DZIP1L: variants seen among roughly 807,000 people sequenced by gnomAD.
DZIP1L encodes DAZ interacting zinc finger protein 1 like, also known as cilium assembly protein DZIP1L.
Under a neutral mutation model 88.7 loss-of-function variants are expected in DZIP1L, and 90 were observed. The ratio of observed to expected loss-of-function variants is 1.02; its 90% CI spans 0.86 to 1.21. The LOEUF (loss-of-function observed/expected upper bound fraction) is 1.21. Among genes scored for constraint, DZIP1L ranks in the 50% most tolerant of loss-of-function variants. The pLI is 0.00. For missense variants in DZIP1L, 932 were observed against 955.8 expected, an observed-to-expected ratio of 0.98 and a Z score of 0.33; for synonymous variants, 363 against 372.1, an observed-to-expected ratio of 0.98 and a Z score of 0.28.
In DZIP1L at chr3:138,103,042, C is replaced by T. The variant is rs2042368520; in HGVS notation, c.501+429G>A. 7.4e-5 allele frequency: 32 copies of T among 434,590 alleles called. No individual in the cohort carries two copies. In the South Asian group the frequency reaches 7.6e-4, roughly 10 times the overall value. 26.9% of individuals were successfully genotyped at this position (434,590 alleles called of 1,614,324 possible). The stretch of plus-strand genomic sequence containing the variant: ...TTTATACATGCTCCAGAGTTGTATC[C>T]TTTATAACATAGTACAAGCACACAT... On this transcript the variant is annotated intron_variant, in intron 2 of 15. Transcript: ENST00000327532.
chr3:138,071,780 A>AG lies in DZIP1L; in HGVS notation c.1477_1478insC (p.Val493AlafsTer12). The AG allele has an allele frequency of 6.2e-7, 1 of 1,614,008 alleles. No individual in the cohort carries two copies. The highest frequency in any genetic ancestry group is 8.5e-7 in the Non-Finnish European group (1 of 1,179,990). ...CTTCCGGGCCTTCTGCTCCCGCTGG[A>AG]CTCTCAGCAGGGATTCCAGGTGTCT... On this transcript the variant is annotated frameshift_variant, in exon 12 of 16. Coordinates refer to ENST00000327532, the MANE Select transcript of DZIP1L (RefSeq NM_173543.3). LOFTEE classifies it high-confidence loss of function.
At chr3:138,085,748 C>T (rs544978391) in intron 7 of DZIP1L, among the ~76,000 whole-genome samples, 4 of 152,298 alleles carry the variant, frequency 2.6e-5, no homozygotes, top group African/African-American at 9.6e-5. Flanking sequence ...CCAGCCATCC[C>T]ATTACTGGGT....
rs376325392 is a variant in DZIP1L, at chr3:138,088,640, T to G, written c.871-133A>C. 20 of 1,352,548 alleles carry G rather than the reference T, an allele frequency of 1.5e-5. No individual in the cohort carries two copies. In the African/African-American group the frequency reaches 2.9e-4, roughly 20 times the overall value. 83.8% of individuals were successfully genotyped at this position (1,352,548 alleles called of 1,614,324 possible). ...CAACTCATCCTCACTAGATACCTAC[T>G]CACCTACAGATATTCACACAAATCA... On this transcript the variant is annotated intron_variant, in intron 5 of 15. Transcript: ENST00000327532.
At chr3:138,080,435 T>C in intron 10 of DZIP1L, 132 bp downstream of exon 10, 1 of 900,676 alleles carries the variant, frequency 1.1e-6, no homozygotes, top group Non-Finnish European at 1.7e-6. Flanking sequence ...AGAAATATTA[T>C]TTCATGTCCT....
chr3:138,115,576 G>A lies in DZIP1L; in HGVS notation c.-330C>T, dbSNP rs1399393142. ...GCCAACCTGCGGGACCGCGGACAGA[G>A]AGCTCCTCGGTGCGTCGGTCAGCTC... On this transcript the variant is annotated 5_prime_UTR_variant, in exon 1 of 16. Transcript: ENST00000327532. 6.6e-6 allele frequency: 1 copy of A among 152,220 alleles called. No individual in the cohort carries two copies. Among genetic ancestry groups the A allele is most frequent in the Non-Finnish European group, 1.5e-5 (1 of 68,080 alleles). The allele number at this position is 152,220 out of a possible 1,614,324, so 9.4% of individuals were successfully genotyped here.
intron 1 of DZIP1L, among the ~76,000 whole-genome samples, chr3:138,112,946 C>CA (rs200375996): frequency 1.7e-4 from 25 of 149,638 alleles, no homozygotes; most frequent in African/African-American, 2.5e-4. Context: ...GACTTCGTCT[C>CA]AAAAAAAAAG....
In DZIP1L at chr3:138,092,451, C is replaced by G; in HGVS notation, c.802G>C (p.Asp268His). 1 of 1,607,162 alleles carries G rather than the reference C, an allele frequency of 6.2e-7. No homozygotes were observed. Among genetic ancestry groups the G allele is most frequent in the Non-Finnish European group, 8.5e-7 (1 of 1,177,286 alleles). ...TCCCAAAATAATTTTTTTAGTTTATCTATTTCCCCATAAAGTTTGGTCCAC... is the reference window on the plus strand; with the variant it reads ...TCCCAAAATAATTTTTTTAGTTTATGTATTTCCCCATAAAGTTTGGTCCAC... ...QEWTKLYGEI[D>H]KLKKLFWDEF... Residue 268 changes from aspartate to histidine, a missense_variant, in exon 5 of 16, where the codon GAT becomes CAT. Asp to His is a moderately conservative substitution (Grantham distance 81). Transcript: ENST00000327532.
chr3:138,097,652 G>A (rs1031854513), intron 3 of DZIP1L, 111 bp downstream of exon 3: 1 of 978,938 alleles, frequency 1.0e-6, no homozygotes, highest in Admixed American at 2.2e-5. Context: ...CAATTGGACA[G>A]TGAGGTTCTG....
At chr3:138,066,371 T>C (rs187454887) in intron 14 of DZIP1L, among the ~76,000 whole-genome samples, 66 of 152,288 alleles carry the variant, frequency 4.3e-4, no homozygotes, top group African/African-American at 1.6e-3. Context: ...CAAACAGCAT[T>C]AAAGACTATG....
rs1423274848 is a variant in DZIP1L at position 138,063,399 on chromosome 3, C to T, written c.2143-422G>A. On this transcript the variant is annotated intron_variant, in intron 15 of 15. Coordinates refer to ENST00000327532, the MANE Select transcript of DZIP1L (RefSeq NM_173543.3). The surrounding 1 kb of genome is among the most constrained non-coding windows in gnomAD (Gnocchi z 4.1). Reference sequence around the variant, plus strand: ...CCGCCTCCTCTCAGACAGGTTCCCTCAGGTCTGGTAAACATCCTGACTGAA... The same window carrying T: ...CCGCCTCCTCTCAGACAGGTTCCCTTAGGTCTGGTAAACATCCTGACTGAA... Among the ~76,000 whole-genome samples the T allele has an allele frequency of 6.6e-6, 1 of 152,220 alleles. No homozygotes were observed. The highest frequency in any genetic ancestry group is 1.5e-5 in the Non-Finnish European group (1 of 68,040).
At chr3:138,079,171 A>T (rs1375885827) in intron 10 of DZIP1L, among the ~76,000 whole-genome samples, 2 of 152,186 alleles carry the variant, frequency 1.3e-5, no homozygotes, top group East Asian at 3.8e-4. Context: ...TAAAACCTCC[A>T]CTGTAACAGC....
chr3:138,073,730 G>A (rs1042101243), intron 11 of DZIP1L, among the ~76,000 whole-genome samples: 15 of 152,030 alleles, frequency 9.9e-5, no homozygotes, highest in Admixed American at 7.9e-4. Context: ...TGAATTGCCA[G>A]AAAAAGAATT....
rs75242141 is a variant in DZIP1L, at chr3:138,077,520, G to T, written c.1401C>A (p.Leu467=). Residue 467 remains leucine, a synonymous_variant, in exon 11 of 16, where the codon CTC becomes CTA. Coordinates refer to ENST00000327532, the MANE Select transcript of DZIP1L (RefSeq NM_173543.3). ...TCACCTTCCTTATCCCCATGCTTTC[G>T]AGCTTCTCTTCCAGGGTGTCCTCCA... ...PILEDTLEEK[L]ESMGIRKDAK... The T allele has an allele frequency of 6.2e-7, 1 of 1,614,086 alleles. No individual in the cohort carries two copies. The highest frequency in any genetic ancestry group is 8.5e-7 in the Non-Finnish European group (1 of 1,180,012).
At chr3:138,095,720 T>C (rs1944440900) in intron 3 of DZIP1L, among the ~76,000 whole-genome samples, 2 of 151,936 alleles carry the variant, frequency 1.3e-5, no homozygotes, top group Admixed American at 1.3e-4. Flanking sequence ...AGGCGGAGGT[T>C]GCAGTGAGCC....
intron 3 of DZIP1L, among the ~76,000 whole-genome samples, chr3:138,095,822 G>A (rs1381113674): frequency 6.6e-6 from 1 of 151,880 alleles, no homozygotes; most frequent in East Asian, 1.9e-4. Flanking sequence ...AAAAAAAGCA[G>A]CATGTATTAT....
At chr3:138,072,426 T>A (rs1291570034) in intron 11 of DZIP1L, among the ~76,000 whole-genome samples, 1 of 152,162 alleles carries the variant, frequency 6.6e-6, no homozygotes, top group Non-Finnish European at 1.5e-5. Flanking sequence ...AGGGCCAAAG[T>A]TAGAGTAGTC....
chr3:138,066,434 A>G (rs770416871), intron 14 of DZIP1L, among the ~76,000 whole-genome samples: 1 of 151,832 alleles, frequency 6.6e-6, no homozygotes, highest in Admixed American at 6.5e-5. Context: ...TCTGGGGGGA[A>G]AAATGGTTTA....
chr3:138,089,266 T>A, intron 5 of DZIP1L: 1 of 985,380 alleles, frequency 1.0e-6, no homozygotes, highest in Non-Finnish European at 1.2e-6. Flanking sequence ...ATTTCTAAAC[T>A]CCCTGAATAT....
At position 138,068,308 on chromosome 3, in the gene DZIP1L, G is replaced by C. The variant is rs1162635826; in HGVS notation, c.1675C>G (p.Gln559Glu). Residue 559 changes from glutamine (Q) to glutamate (E), a missense_variant, in exon 13 of 16, where the codon CAG (glutamine) becomes GAG (glutamate). Physicochemically the swap from Gln to Glu is conservative, Grantham distance 29 (BLOSUM62 2). Transcript: ENST00000327532. ...REAQPKTRTL[Q>E]VALPSTPAEP... Reference sequence around the variant, plus strand: ...GCCGGTGTGGATGGCAAGGCCACCTGCAGGGTCCTGGTCTTTGGCTGGGCC... The same window carrying C: ...GCCGGTGTGGATGGCAAGGCCACCTCCAGGGTCCTGGTCTTTGGCTGGGCC... 3.1e-6 allele frequency: 5 copies of C among 1,595,208 alleles called. No individual in the cohort carries two copies. Among genetic ancestry groups the C allele is most frequent in the Non-Finnish European group, 4.3e-6 (5 of 1,169,844 alleles).
Sources: allele counts gnomAD v4.1 joint callset (sites outside exome capture counted in the v4.1 genomes callset), GRCh38; gene constraint gnomAD v4.1.1; non-coding constraint Gnocchi (gnomAD v3.1); transcripts MANE v1.5; gene names NCBI Gene and HGNC (gene_info 2026-07-23, HGNC 2026-07-21).